INPP4B: variants seen among roughly 807,000 people sequenced by gnomAD.
The protein encoded by INPP4B is inositol polyphosphate-4-phosphatase type II B, also known as inositol polyphosphate 4-phosphatase type II.
In INPP4B, 55 loss-of-function variants were observed where a neutral mutation model predicts 122.5. That is an observed-to-expected ratio of 0.45 (90% CI 0.36 to 0.56). The LOEUF (loss-of-function observed/expected upper bound fraction) is 0.56, where lower values mean the gene tolerates loss of function less well. Among genes scored for constraint, INPP4B ranks in the 20% least tolerant of loss-of-function variants. The pLI is 0.00. For missense variants in INPP4B, 1,000 were observed against 1,097.7 expected (o/e 0.91, Z 1.26); for synonymous variants, 403 against 388.7 (o/e 1.04, Z -0.43).
intron 1 of INPP4B, among the ~76,000 whole-genome samples, chr4:142,736,564 T>G (rs1350066778): frequency 6.6e-6 from 1 of 152,196 alleles, no homozygotes; most frequent in Non-Finnish European, 1.5e-5. Flanking sequence ...GAAGCAATTG[T>G]GAATGGGAGT....
intron 2 of INPP4B, among the ~76,000 whole-genome samples, chr4:142,505,218 G>A (rs1490809536): frequency 6.7e-6 from 1 of 150,006 alleles, no homozygotes; most frequent in Non-Finnish European, 1.5e-5. Context: ...CAGCCTGGGT[G>A]ACAGAGAGAG....
At chr4:142,569,546 A>C (rs1218502458) in intron 2 of INPP4B, among the ~76,000 whole-genome samples, 3 of 152,148 alleles carry the variant, frequency 2.0e-5, no homozygotes, top group African/African-American at 7.2e-5. Context: ...GATAGGACTG[A>C]AACTCAGGCA....
rs192000289 is a variant in INPP4B, at chr4:142,573,635, C to T, written c.-190-110909G>A. Among the ~76,000 whole-genome samples the T allele has an allele frequency of 2.1e-4, 32 of 152,186 alleles. No individual in the cohort carries two copies. In the East Asian group the frequency reaches 4.1e-3, roughly 19 times the overall value. ...TTAAAAACCTCCATCTATTACCTTTCGATTGGGCCATATTAGTTTGGTAAA... is the reference window on the plus strand; with the variant it reads ...TTAAAAACCTCCATCTATTACCTTTTGATTGGGCCATATTAGTTTGGTAAA... On this transcript the variant is annotated intron_variant, in intron 2 of 25. Coordinates refer to ENST00000262992, the MANE Select transcript of INPP4B (RefSeq NM_001101669.3).
rs1255993352 is a variant in INPP4B at position 142,023,248 on chromosome 4, A to C, written c.*5534T>G. 6.6e-6 allele frequency: 1 copy of C among 152,220 alleles called. No individual in the cohort carries two copies. The highest frequency in any genetic ancestry group is 1.5e-5 in the Non-Finnish European group (1 of 68,034). 9.4% of individuals were successfully genotyped at this position (152,220 alleles called of 1,614,324 possible). A position where few individuals can be genotyped will look rare whatever the true frequency, so the allele number is the denominator to read the frequency against. ...CACAGAACAATAAAACAAAAATGAT[A>C]TCTCTTAAATGCCAACATAAAATGA... On this transcript the variant is annotated 3_prime_UTR_variant, in exon 26 of 26. Transcript: ENST00000262992.
chr4:142,542,700 TC>T (rs1276555576), intron 2 of INPP4B, among the ~76,000 whole-genome samples: 2 of 152,198 alleles, frequency 1.3e-5, no homozygotes, highest in African/African-American at 4.8e-5. Flanking sequence ...CTTGTTTTTT[TC>T]AATAACCAAT....
intron 2 of INPP4B, among the ~76,000 whole-genome samples, chr4:142,541,559 C>T (rs895896252): frequency 5.9e-5 from 9 of 152,124 alleles, no homozygotes; most frequent in Non-Finnish European, 1.2e-4. Context: ...CAATTTATTG[C>T]CTCACAACTC....
chr4:142,494,767 C>T (rs750789321), intron 2 of INPP4B, among the ~76,000 whole-genome samples: 5 of 152,044 alleles, frequency 3.3e-5, no homozygotes, highest in Non-Finnish European at 7.4e-5. Flanking sequence ...TTGTTAGTCC[C>T]ACAAAAATCT....
intron 25 of INPP4B, among the ~76,000 whole-genome samples, chr4:142,081,021 C>T (rs541848799): frequency 2.0e-5 from 3 of 151,998 alleles, no homozygotes; most frequent in Non-Finnish European, 2.9e-5. Context: ...TAGAGCTCCA[C>T]GGAAGAATGA....
At chr4:142,180,525 G>T (rs557242272) in intron 15 of INPP4B, among the ~76,000 whole-genome samples, 23 of 152,254 alleles carry the variant, frequency 1.5e-4, no homozygotes, top group African/African-American at 4.6e-4. Context: ...TTAAATGCTA[G>T]TTTTTCAGGG....
At chr4:142,230,378 G>C (rs1853659188) in intron 12 of INPP4B, among the ~76,000 whole-genome samples, 1 of 152,024 alleles carries the variant, frequency 6.6e-6, no homozygotes, top group Admixed American at 6.6e-5. Flanking sequence ...GGGAGCGGTG[G>C]CTCACATCTG....
rs575213760 is a variant in INPP4B, at chr4:142,098,362, CAAA to C, written c.2374+9728_2374+9730del. On this transcript the variant is annotated intron_variant, in intron 23 of 25. Transcript: ENST00000262992. ...AACAAACAAACAACAACAACAACAA[CAAA>C]AAAAAAACTAACAACATTGGGGGTT... 4.3e-4 allele frequency among the ~76,000 whole-genome samples: 65 copies of C among 151,014 alleles called. 1 individual carries two copies. The highest frequency in any genetic ancestry group is 4.6e-4 in the Non-Finnish European group (31 of 67,760).
chr4:142,109,412 T>A (rs1330499633), intron 22 of INPP4B, among the ~76,000 whole-genome samples: 1 of 152,178 alleles, frequency 6.6e-6, no homozygotes, highest in Non-Finnish European at 1.5e-5. Context: ...TTTCATCATA[T>A]CAACTCACTG....
intron 18 of INPP4B, among the ~76,000 whole-genome samples, chr4:142,145,410 T>C: frequency 6.6e-6 from 1 of 152,138 alleles, no homozygotes; most frequent in East Asian, 1.9e-4. Context: ...TTTCTCAGAA[T>C]AAAATGCAAA....
chr4:142,276,501 C>G (rs1748466370), intron 9 of INPP4B, among the ~76,000 whole-genome samples: 1 of 151,810 alleles, frequency 6.6e-6, no homozygotes, highest in Non-Finnish European at 1.5e-5. Context: ...AGTGCTGACT[C>G]TATACAGTAA....
chr4:142,204,662 C>T (rs527436802), intron 14 of INPP4B, among the ~76,000 whole-genome samples: 1 of 151,974 alleles, frequency 6.6e-6, no homozygotes, highest in Admixed American at 6.6e-5. Context: ...AACTGTTGTC[C>T]TTAAAGGGGA....
chr4:142,505,021 C>T (rs554035457), intron 2 of INPP4B, among the ~76,000 whole-genome samples: 14 of 151,912 alleles, frequency 9.2e-5, no homozygotes, highest in East Asian at 1.9e-4. Context: ...GTCTGAGGTG[C>T]GAGTTTTATT....
At chr4:142,281,430 A>G (rs76584775) in intron 9 of INPP4B, among the ~76,000 whole-genome samples, 5,791 of 151,950 alleles carry the variant, frequency 0.038, 362 homozygotes, top group African/African-American at 0.13. Context: ...GACACTCTGA[A>G]AACTTTCCAT....
At position 142,822,930 on chromosome 4, in the gene INPP4B, T is replaced by A. The variant is rs527675144; in HGVS notation, c.-254+23279A>T. 7.9e-5 allele frequency among the ~76,000 whole-genome samples: 12 copies of A among 152,332 alleles called. No homozygotes were observed. In the South Asian group the frequency reaches 1.9e-3, roughly 24 times the overall value. On this transcript the variant is annotated intron_variant, in intron 1 of 25. Coordinates refer to ENST00000262992, the MANE Select transcript of INPP4B (RefSeq NM_001101669.3). ...CTTTCTCATTCACTATACATGTTTCTCATGCGTTGGCTCCAGGACCTGCTC... is the reference window on the plus strand; with the variant it reads ...CTTTCTCATTCACTATACATGTTTCACATGCGTTGGCTCCAGGACCTGCTC...
chr4:142,410,220 T>C (rs982599330), intron 5 of INPP4B, among the ~76,000 whole-genome samples: 7 of 152,208 alleles, frequency 4.6e-5, no homozygotes, highest in Non-Finnish European at 1.0e-4. Flanking sequence ...CAAGTAGTTG[T>C]AAAGCATACA....
Sources: allele counts gnomAD v4.1 joint callset (sites outside exome capture counted in the v4.1 genomes callset), GRCh38; gene constraint gnomAD v4.1.1; transcripts MANE v1.5; gene names NCBI Gene and HGNC (gene_info 2026-07-23, HGNC 2026-07-21).